Variants in MGAT4C observed in about 807,000 individuals in gnomAD.
MGAT4C encodes the protein alpha-1,3-mannosyl-glycoprotein 4-beta-N-acetylglucosaminyltransferase C.
In MGAT4C, 19 loss-of-function variants were observed where a neutral mutation model predicts 40.1. That is an observed-to-expected ratio of 0.47 (90% confidence interval 0.33 to 0.70). The LOEUF (loss-of-function observed/expected upper bound fraction) is 0.70, where lower values mean the gene tolerates loss of function less well. Ranked by LOEUF, MGAT4C falls within the 30% of genes least tolerant of loss-of-function variation. The probability of loss-of-function intolerance (pLI) is 0.02; values close to 1 mark genes in which losing one functional copy is unlikely to be tolerated. For synonymous variants in MGAT4C, 181 were observed against 187.1 expected, an observed-to-expected ratio of 0.97 and a Z score of 0.27; for missense variants, 491 against 563.2, an observed-to-expected ratio of 0.87 and a Z score of 1.30.
intron 2 of MGAT4C, among the ~76,000 whole-genome samples, chr12:86,034,559 G>A (rs1175678787): frequency 3.1e-5 from 4 of 130,904 alleles, no homozygotes; most frequent in African/African-American, 1.0e-4. Context: ...GTCTCTGAGG[G>A]TTTTTTGTTG....
chr12:86,046,727 C>T (rs1263022677), intron 2 of MGAT4C, among the ~76,000 whole-genome samples: 1 of 152,126 alleles, frequency 6.6e-6, no homozygotes, highest in Non-Finnish European at 1.5e-5. Context: ...CACAATGATA[C>T]TAAGATATTA....
chr12:86,773,817 T>C (rs1419179239), intron 1 of MGAT4C, among the ~76,000 whole-genome samples: 5 of 151,998 alleles, frequency 3.3e-5, no homozygotes, highest in African/African-American at 4.8e-5. Context: ...TTACATATAA[T>C]GTATATTATG....
chr12:86,705,838 G>A (rs1251321789), intron 2 of MGAT4C, among the ~76,000 whole-genome samples: 1 of 152,172 alleles, frequency 6.6e-6, no homozygotes, highest in East Asian at 1.9e-4. Flanking sequence ...TCATGGGACA[G>A]TAGTTCCACT....
In MGAT4C at chr12:86,806,496, C is replaced by T. The variant is rs566905171; in HGVS notation, c.-262+32170G>A. ...TTTATGTAGTTCTATATAACTTTACCACGTGTGTAAGTTCATATATACACT... is the reference window on the plus strand; with the variant it reads ...TTTATGTAGTTCTATATAACTTTACTACGTGTGTAAGTTCATATATACACT... On this transcript the variant is annotated intron_variant, in intron 1 of 7. Coordinates refer to the MGAT4C transcript ENST00000548651. 2.0e-5 allele frequency among the ~76,000 whole-genome samples: 3 copies of T among 151,596 alleles called. No homozygotes were observed. The South Asian group carries it at 6.3e-4, about 32-fold the overall frequency.
At chr12:86,828,800 A>G (rs1446682602) in intron 1 of MGAT4C, among the ~76,000 whole-genome samples, 1 of 151,554 alleles carries the variant, frequency 6.6e-6, no homozygotes, top group Non-Finnish European at 1.5e-5. Context: ...TGAAACGTCC[A>G]AAAAAGCAAA....
intron 1 of MGAT4C, among the ~76,000 whole-genome samples, chr12:86,209,357 A>G (rs1041771808): frequency 1.8e-4 from 28 of 152,224 alleles, no homozygotes; most frequent in Middle Eastern, 3.4e-3. Flanking sequence ...TTGAGTTCTC[A>G]TAAGTAATAC....
At chr12:86,358,095 G>A (rs1367100999) in intron 3 of MGAT4C, among the ~76,000 whole-genome samples, 1 of 152,124 alleles carries the variant, frequency 6.6e-6, no homozygotes. Context: ...TCAGGTTACT[G>A]ACAAAGGGAA....
intron 1 of MGAT4C, among the ~76,000 whole-genome samples, chr12:86,816,561 C>G (rs1952611205): frequency 6.6e-6 from 1 of 151,374 alleles, no homozygotes; most frequent in African/African-American, 2.4e-5. Flanking sequence ...ATTAAGTGTT[C>G]TAGAAATTTG....
At chr12:86,529,220 G>A (rs976766232) in intron 2 of MGAT4C, among the ~76,000 whole-genome samples, 2 of 152,054 alleles carry the variant, frequency 1.3e-5, no homozygotes, top group African/African-American at 2.4e-5. Context: ...TGTGCTTGGC[G>A]AGAAGTATCT....
rs148034801 is a variant in MGAT4C at position 86,385,183 on chromosome 12, A to G, written c.-120+49974T>C. 1.2e-3 allele frequency among the ~76,000 whole-genome samples: 189 copies of G among 152,314 alleles called. 4 individuals carry two copies. The highest frequency in any genetic ancestry group is 4.3e-3 in the African/African-American group (177 of 41,584). Reference sequence around the variant, plus strand: ...CTGAAACAATAAATCTGACTGAGTTACATAATTTTTTAATTGGCAACTGAC... The same window carrying G: ...CTGAAACAATAAATCTGACTGAGTTGCATAATTTTTTAATTGGCAACTGAC... On this transcript the variant is annotated intron_variant, in intron 3 of 7. Transcript: ENST00000548651.
At chr12:86,733,529 G>C (rs1593159935) in intron 1 of MGAT4C, among the ~76,000 whole-genome samples, 1 of 152,098 alleles carries the variant, frequency 6.6e-6, no homozygotes, top group Non-Finnish European at 1.5e-5. Flanking sequence ...ATAACAAAGA[G>C]TAGTGTAAAA....
At chr12:86,229,285 A>G (rs1951221095) in intron 1 of MGAT4C, among the ~76,000 whole-genome samples, 1 of 151,950 alleles carries the variant, frequency 6.6e-6, no homozygotes, top group South Asian at 2.1e-4. Flanking sequence ...ATGCTTAAAT[A>G]TATTATTAAT....
At chr12:86,818,305 T>C (rs12818364) in intron 1 of MGAT4C, among the ~76,000 whole-genome samples, 18,577 of 151,098 alleles carry the variant, frequency 0.12, 1,278 homozygotes, top group Non-Finnish European at 0.15. Context: ...CAAATCAGAA[T>C]AAATATAACA....
At chr12:86,308,628 A>T (rs1474656730) in intron 4 of MGAT4C, among the ~76,000 whole-genome samples, 1 of 150,712 alleles carries the variant, frequency 6.6e-6, no homozygotes, top group East Asian at 1.9e-4. Context: ...TTCAGTAAAT[A>T]GATTTTTAAA....
Position 85,955,985 on chromosome 12 carries a change from G to T in MGAT4C, c.*23304C>A, listed in dbSNP as rs958135892. 1 of 152,170 alleles carries T rather than the reference G, an allele frequency of 6.6e-6. No individual in the cohort carries two copies. The highest frequency in any genetic ancestry group is 2.4e-5 in the African/African-American group (1 of 41,454). The allele number at this position is 152,170 out of a possible 1,614,324, so 9.4% of individuals were successfully genotyped here. A position where few individuals can be genotyped will look rare whatever the true frequency, so the allele number is the denominator to read the frequency against. Reference sequence around the variant, plus strand: ...CACAGAGAATATTGGTATTTTTGATGAAATTAAGTCCATGAATACATATAG... The same window carrying T: ...CACAGAGAATATTGGTATTTTTGATTAAATTAAGTCCATGAATACATATAG... On this transcript the variant is annotated 3_prime_UTR_variant, in exon 5 of 5. Coordinates refer to ENST00000611864, the MANE Select transcript of MGAT4C (RefSeq NM_001351288.2).
At chr12:86,072,566 C>T (rs1868765191) in intron 1 of MGAT4C, among the ~76,000 whole-genome samples, 1 of 151,778 alleles carries the variant, frequency 6.6e-6, no homozygotes, top group South Asian at 2.1e-4. Context: ...CCTTTTTGTT[C>T]ACCTCATATA....
chr12:86,719,836 A>T (rs1382763882), intron 2 of MGAT4C, among the ~76,000 whole-genome samples: 1 of 152,178 alleles, frequency 6.6e-6, no homozygotes, highest in Non-Finnish European at 1.5e-5. Flanking sequence ...AAAAATACAC[A>T]CTCACAGATC....
intron 2 of MGAT4C, among the ~76,000 whole-genome samples, chr12:86,628,711 C>A (rs1393543611): frequency 5.9e-5 from 9 of 152,078 alleles, no homozygotes; most frequent in South Asian, 2.1e-4. Context: ...GGTTTTGTCA[C>A]CACCAGGCCC....
intron 4 of MGAT4C, among the ~76,000 whole-genome samples, chr12:86,298,660 T>C (rs1267636527): frequency 6.6e-6 from 1 of 152,146 alleles, no homozygotes; most frequent in Non-Finnish European, 1.5e-5. Flanking sequence ...TTTGGAGAAA[T>C]TTTAATGAAT....
Sources: gnomAD v4.1 joint callset for allele counts (sites outside exome capture counted in the v4.1 genomes callset) on GRCh38, gnomAD v4.1.1 for gene constraint, MANE v1.5 for transcripts, NCBI Gene and HGNC (gene_info 2026-07-23, HGNC 2026-07-21) for gene names.